The following SOCS2 variants were observed in gnomAD, a reference collection of about 807,000 sequenced individuals.
SOCS2 encodes the protein suppressor of cytokine signaling 2, also known as CIS-2.
In SOCS2, 10 loss-of-function variants were observed where a neutral mutation model predicts 18.6. That is an observed-to-expected ratio of 0.54 (90% CI 0.33 to 0.91). The LOEUF (loss-of-function observed/expected upper bound fraction) is 0.91. Ranked by LOEUF, SOCS2 falls within the 40% of genes least tolerant of loss-of-function variation. The probability of loss-of-function intolerance (pLI) is 0.02; values close to 1 mark genes in which losing one functional copy is unlikely to be tolerated. For missense variants in SOCS2, 231 were observed against 247.2 expected (o/e 0.93, Z 0.44); for synonymous variants, 104 against 104.0 (o/e 1.00, Z 0.00).
the SOCS2 span, among the ~76,000 whole-genome samples, chr12:93,619,364 G>A: frequency 6.6e-6 from 1 of 152,192 alleles, no homozygotes. Flanking sequence ...AACAGGGCAG[G>A]AAGGGTGGGG....
chr12:93,604,701 C>T, the SOCS2 span, among the ~76,000 whole-genome samples: 1 of 151,866 alleles, frequency 6.6e-6, no homozygotes, highest in African/African-American at 2.4e-5. Flanking sequence ...GTTTTGTCGC[C>T]CAAGCTGGAG....
chr12:93,590,332 A>G, the SOCS2 span, among the ~76,000 whole-genome samples: 1 of 152,090 alleles, frequency 6.6e-6, no homozygotes, highest in Admixed American at 6.5e-5. Flanking sequence ...ACTAGCACCC[A>G]AGATTTTAGA....
At chr12:93,597,553 C>T in the SOCS2 span, among the ~76,000 whole-genome samples, 182 of 152,218 alleles carry the variant, frequency 1.2e-3, no homozygotes, top group South Asian at 5.0e-3. Context: ...TGACCTCAAG[C>T]GATCCACCCA....
chr12:93,590,994 T>G, the SOCS2 span, among the ~76,000 whole-genome samples: 1 of 151,980 alleles, frequency 6.6e-6, no homozygotes, highest in Non-Finnish European at 1.5e-5. Context: ...ACTAATGGTC[T>G]GGATAACAAG....
Position 93,575,543 on chromosome 12 carries a change from A to C in SOCS2, c.*364A>C, listed in dbSNP as rs1954441413. On this transcript the variant is annotated 3_prime_UTR_variant, in exon 2 of 2. Transcript: ENST00000551556. Reference sequence around the variant, plus strand: ...TCCAGTAGGAGAGAAAGAACTCCTCATAGGAATACTGAAGAAGTGGGAAGG... The same window carrying C: ...TCCAGTAGGAGAGAAAGAACTCCTCCTAGGAATACTGAAGAAGTGGGAAGG... 1 of 158,716 alleles carries C rather than the reference A, an allele frequency of 6.3e-6. No homozygotes were observed. Among genetic ancestry groups the C allele is most frequent in the Non-Finnish European group, 1.4e-5 (1 of 71,660 alleles). The allele number at this position is 158,716 out of a possible 1,614,324, so 9.8% of individuals were successfully genotyped here.
At chr12:93,620,651 T>C in the SOCS2 span, among the ~76,000 whole-genome samples, 2 of 152,030 alleles carry the variant, frequency 1.3e-5, no homozygotes, top group East Asian at 3.9e-4. Flanking sequence ...TGACCTCAGG[T>C]GATCCACCCG....
At chr12:93,578,917 C>G (rs1259767623), downstream of SOCS2, among the ~76,000 whole-genome samples, 1 of 152,204 alleles carries the variant, frequency 6.6e-6, no homozygotes, top group Non-Finnish European at 1.5e-5. Flanking sequence ...GTGGAATACC[C>G]TGTGGGATAA....
At chr12:93,612,044 G>A in the SOCS2 span, among the ~76,000 whole-genome samples, 1 of 152,120 alleles carries the variant, frequency 6.6e-6, no homozygotes, top group East Asian at 1.9e-4. Context: ...GCTTTTCCAT[G>A]TAGCTCCAGG....
downstream of SOCS2, among the ~76,000 whole-genome samples, chr12:93,580,569 G>A (rs144545622): frequency 3.4e-5 from 5 of 147,532 alleles, no homozygotes; most frequent in South Asian, 2.1e-4. Flanking sequence ...TGCTGTGAGC[G>A]GCAATCTTAC....
chr12:93,596,597 G>A, the SOCS2 span, among the ~76,000 whole-genome samples: 1 of 152,198 alleles, frequency 6.6e-6, no homozygotes, highest in Admixed American at 6.5e-5. Context: ...GGAGGCTGAG[G>A]CGGGCAGATC....
the SOCS2 span, among the ~76,000 whole-genome samples, chr12:93,609,402 T>G: frequency 6.6e-6 from 1 of 151,920 alleles, no homozygotes; most frequent in African/African-American, 2.4e-5. Context: ...CAAAAATAAA[T>G]AAGTAAATAA....
At chr12:93,623,539 T>C in the SOCS2 span, among the ~76,000 whole-genome samples, 1 of 152,194 alleles carries the variant, frequency 6.6e-6, no homozygotes, top group African/African-American at 2.4e-5. Flanking sequence ...AAGTTCTTTA[T>C]AGCAGTGTGA....
upstream of SOCS2, chr12:93,572,487 A>C: frequency 2.7e-6 from 1 of 368,942 alleles, no homozygotes; most frequent in South Asian, 2.2e-5. This position sits in a 1 kb window ranked among gnomAD's most constrained non-coding sequence, Gnocchi z 5.0. Flanking sequence ...CTCTTCAGCC[A>C]ACTTTATCTT....
At chr12:93,591,063 T>A in the SOCS2 span, among the ~76,000 whole-genome samples, 3 of 151,660 alleles carry the variant, frequency 2.0e-5, no homozygotes, top group Admixed American at 2.0e-4. Context: ...AAATGACTAA[T>A]TTTTTTTAAC....
chr12:93,598,494 A>G, the SOCS2 span, among the ~76,000 whole-genome samples: 1 of 152,226 alleles, frequency 6.6e-6, no homozygotes, highest in East Asian at 1.9e-4. Context: ...TCAAGTGAGA[A>G]GAGTTAGGAC....
chr12:93,581,577 A>C (rs940832750), downstream of SOCS2, among the ~76,000 whole-genome samples: 5 of 152,156 alleles, frequency 3.3e-5, no homozygotes, highest in African/African-American at 1.2e-4. Context: ...TCTCAACATC[A>C]TGTGATCATT....
At chr12:93,607,366 CAG>C in the SOCS2 span, among the ~76,000 whole-genome samples, 1 of 152,032 alleles carries the variant, frequency 6.6e-6, no homozygotes, top group Admixed American at 6.5e-5. Context: ...TTTTTCCACT[CAG>C]AGTACAATTT....
chr12:93,570,037 G>C (rs944455645), upstream of SOCS2: 1 of 152,244 alleles, frequency 6.6e-6, no homozygotes, highest in Non-Finnish European at 1.5e-5. Context: ...CTAAGGCCAG[G>C]GGGCCTCCAA....
chr12:93,619,129 G>A, the SOCS2 span, among the ~76,000 whole-genome samples: 1 of 152,252 alleles, frequency 6.6e-6, no homozygotes, highest in Non-Finnish European at 1.5e-5. Context: ...AGGGGCAAGA[G>A]TGCAGAGCTG....
Sources: allele counts gnomAD v4.1 joint callset (sites outside exome capture counted in the v4.1 genomes callset), GRCh38; gene constraint gnomAD v4.1.1; non-coding constraint Gnocchi (gnomAD v3.1); transcripts MANE v1.5; gene names NCBI Gene and HGNC (gene_info 2026-07-23, HGNC 2026-07-21).